ARID1B: variants seen among roughly 807,000 people sequenced by gnomAD.
ARID1B encodes the protein AT-rich interactive domain-containing protein 1B.
ARID1B carries 30 observed loss-of-function variants against 212.3 expected under a neutral mutation model. The observed-to-expected ratio is 0.14, with a 90% CI of 0.11 to 0.19. The LOEUF (loss-of-function observed/expected upper bound fraction) is 0.19, where lower values mean the gene tolerates loss of function less well. Among genes scored for constraint, ARID1B ranks in the 10% least tolerant of loss-of-function variants. ARID1B has a pLI of 1.00. For synonymous variants in ARID1B, 1,402 were observed against 1,301.7 expected (o/e 1.08, Z -1.66); for missense variants, 2,891 against 3,204.0 (o/e 0.90, Z 2.36).
At chr6:157,073,893 CTG>C (rs1395103181) in intron 4 of ARID1B, among the ~76,000 whole-genome samples, 1 of 152,202 alleles carries the variant, frequency 6.6e-6, no homozygotes, top group Non-Finnish European at 1.5e-5. Flanking sequence ...TCTCTCAACA[CTG>C]TGAGTTCATT....
chr6:156,928,623 C>G (rs1582967067), intron 3 of ARID1B, among the ~76,000 whole-genome samples: 1 of 152,158 alleles, frequency 6.6e-6, no homozygotes, highest in Non-Finnish European at 1.5e-5. Context: ...GGTACAGACA[C>G]TTGAGGGGCC....
intron 4 of ARID1B, among the ~76,000 whole-genome samples, chr6:157,080,134 C>A (rs1461388816): frequency 6.6e-6 from 1 of 152,186 alleles, no homozygotes; most frequent in African/African-American, 2.4e-5. Flanking sequence ...TGGGGCACTT[C>A]TGAGCAAGAG....
At chr6:156,816,322 A>G (rs1781961677) in intron 1 of ARID1B, among the ~76,000 whole-genome samples, 1 of 152,216 alleles carries the variant, frequency 6.6e-6, no homozygotes, top group Non-Finnish European at 1.5e-5. Flanking sequence ...ACAGTACAAT[A>G]TTGTTTAGAA....
At chr6:156,927,008 A>G (rs1347011418) in intron 3 of ARID1B, among the ~76,000 whole-genome samples, 3 of 151,724 alleles carry the variant, frequency 2.0e-5, no homozygotes, top group African/African-American at 7.3e-5. Flanking sequence ...ATTGGTAAAT[A>G]TTTCAGTATG....
intron 1 of ARID1B, among the ~76,000 whole-genome samples, chr6:156,819,158 C>G (rs1449226945): frequency 1.3e-5 from 2 of 152,136 alleles, no homozygotes; most frequent in African/African-American, 4.8e-5. Flanking sequence ...CAATTTGAAT[C>G]TGTATTTGTA....
At chr6:156,798,231 C>T (rs1780533407) in intron 1 of ARID1B, among the ~76,000 whole-genome samples, 1 of 152,162 alleles carries the variant, frequency 6.6e-6, no homozygotes, top group Non-Finnish European at 1.5e-5. Flanking sequence ...CTCCTGGGGC[C>T]CCTGCATGTC....
intron 1 of ARID1B, among the ~76,000 whole-genome samples, chr6:156,783,941 A>G (rs1779455796): frequency 6.6e-6 from 1 of 151,270 alleles, no homozygotes; most frequent in African/African-American, 2.4e-5. Context: ...TAAATTTGAG[A>G]TTGATATTTA....
At position 157,122,181 on chromosome 6, in the gene ARID1B, A is replaced by C. The variant is rs368222917; in HGVS notation, c.2582-10847A>C. ...ATTTCTTGTTTTTAATTGATAGAAG[A>C]AAAATGTCTCTTGGCTTAGTCTTTA... is the stretch of plus-strand genomic sequence containing the variant. On this transcript the variant is annotated intron_variant, in intron 6 of 19. Transcript: ENST00000636930. Among the ~76,000 whole-genome samples the C allele has an allele frequency of 1.1e-3, 171 of 152,216 alleles. 4 individuals are homozygous for C. In the South Asian group the frequency reaches 0.034, roughly 30 times the overall value.
chr6:157,109,294 A>G (rs1786723765), intron 5 of ARID1B, among the ~76,000 whole-genome samples: 1 of 152,022 alleles, frequency 6.6e-6, no homozygotes, highest in Non-Finnish European at 1.5e-5. Flanking sequence ...TTTTTTCTTT[A>G]TTATTTGTAA....
rs550136122 is a variant in ARID1B, at chr6:157,150,560, A to G, written c.3089+1609A>G. The G allele has an allele frequency of 3.0e-4, 50 of 164,836 alleles. No individual in the cohort carries two copies. In the South Asian group the frequency reaches 0.01, roughly 34 times the overall value. 10.2% of individuals were successfully genotyped at this position (164,836 alleles called of 1,614,324 possible). On this transcript the variant is annotated intron_variant, in intron 8 of 19. Transcript: ENST00000636930. Reference sequence around the variant, plus strand: ...CTGTCCCCACCCTTTCGTTGGAGGCATTTTCTGTACCCCCCACCCCTCAGG... The same window carrying G: ...CTGTCCCCACCCTTTCGTTGGAGGCGTTTTCTGTACCCCCCACCCCTCAGG...
At chr6:156,930,991 C>T (rs1438443994) in intron 3 of ARID1B, among the ~76,000 whole-genome samples, 1 of 151,968 alleles carries the variant, frequency 6.6e-6, no homozygotes, top group East Asian at 1.9e-4. Context: ...GAGATAGAGA[C>T]CATTCTGGCC....
rs750814930 is a variant in ARID1B, at chr6:157,201,302, A to G, written c.5077A>G (p.Ser1693Gly). ...CTCCCTGGAGAACCGCATGTCTCCA[A>G]GCAAGTCTCCTTTTCTGCCGTCTAT... ...QRSLENRMSP[S>G]KSPFLPSMKM... is the part of the protein sequence containing the mutation. The change falls in exon 18 of 20, where the codon AGC (serine) becomes GGC (glycine). Residue 1693 changes from serine to glycine, a missense_variant. By Grantham distance (56) the Ser-to-Gly change is moderately conservative. Transcript: ENST00000636930. This position sits in a 1 kb window ranked among gnomAD's most constrained non-coding sequence, Gnocchi z 5.2. The G allele has an allele frequency of 1.2e-6, 2 of 1,614,118 alleles. No homozygotes were observed. Among genetic ancestry groups the G allele is most frequent in the Admixed American group, 1.7e-5 (1 of 60,026 alleles).
rs555340001 is a variant in ARID1B, at chr6:156,993,112, G to T, written c.2247+57536G>T. Among the ~76,000 whole-genome samples, 3 of 149,784 alleles carry T rather than the reference G, an allele frequency of 2.0e-5. No homozygotes were observed. In the South Asian group the frequency reaches 6.5e-4, roughly 32 times the overall value. On this transcript the variant is annotated intron_variant, in intron 4 of 19. Coordinates refer to ENST00000636930, the MANE Select transcript of ARID1B (RefSeq NM_001374828.1). ...GGCTGGAGTACAGTGGCATGATCTC[G>T]GCTCACTGCAAACTCCGCCTCCCGG... is the stretch of plus-strand genomic sequence containing the variant.
At chr6:156,848,174 G>A (rs1260685470) in intron 2 of ARID1B, among the ~76,000 whole-genome samples, 1 of 152,240 alleles carries the variant, frequency 6.6e-6, no homozygotes, top group Non-Finnish European at 1.5e-5. Context: ...AGAAAATGAA[G>A]TTAGTCATTG....
At chr6:156,894,586 A>G (rs1229318805) in intron 2 of ARID1B, among the ~76,000 whole-genome samples, 1 of 152,166 alleles carries the variant, frequency 6.6e-6, no homozygotes, top group Non-Finnish European at 1.5e-5. Context: ...AGTAGTGGGG[A>G]GTTTTCACCA....
chr6:156,985,886 G>C (rs951821576), intron 4 of ARID1B, among the ~76,000 whole-genome samples: 1 of 152,188 alleles, frequency 6.6e-6, no homozygotes, highest in African/African-American at 2.4e-5. Context: ...GACAACGCCT[G>C]CTTCTGGGTT....
intron 2 of ARID1B, among the ~76,000 whole-genome samples, chr6:156,875,284 T>G (rs1379608658): frequency 6.6e-6 from 1 of 152,252 alleles, no homozygotes; most frequent in Non-Finnish European, 1.5e-5. Flanking sequence ...GGTTGTGCAT[T>G]GCATGATCAA....
intron 1 of ARID1B, among the ~76,000 whole-genome samples, chr6:156,803,048 T>C (rs1217002282): frequency 3.9e-5 from 6 of 152,212 alleles, no homozygotes; most frequent in Admixed American, 3.9e-4. Context: ...ACATTTTTTT[T>C]CTGTCCTCCC....
At chr6:157,150,066 T>G (rs1790087226) in intron 8 of ARID1B, 1 of 152,234 alleles carries the variant, frequency 6.6e-6, no homozygotes, top group African/African-American at 2.4e-5. Context: ...TAGGGAATAT[T>G]TTTGTAAACC....
Sources: gnomAD v4.1 joint callset for allele counts (sites outside exome capture counted in the v4.1 genomes callset) on GRCh38, gnomAD v4.1.1 for gene constraint, Gnocchi (gnomAD v3.1) non-coding constraint, MANE v1.5 for transcripts, NCBI Gene and HGNC (gene_info 2026-07-23, HGNC 2026-07-21) for gene names.